The following SBNO2 variants were observed in gnomAD, a reference collection of about 807,000 sequenced individuals.
The protein encoded by SBNO2 is protein strawberry notch homolog 2.
SBNO2 carries 89 observed loss-of-function variants against 146.3 expected under a neutral mutation model. That is an observed-to-expected ratio of 0.61 (90% CI 0.51 to 0.73). The LOEUF (loss-of-function observed/expected upper bound fraction) is 0.73. Among genes scored for constraint, SBNO2 ranks in the 30% least tolerant of loss-of-function variants. The probability of loss-of-function intolerance (pLI) is 0.00; values close to 1 mark genes in which losing one functional copy is unlikely to be tolerated. For synonymous variants in SBNO2, 1,147 were observed against 892.6 expected (o/e 1.29, Z -5.08); for missense variants, 2,092 against 2,003.7 (o/e 1.04, Z -0.84).
At chr19:1,152,765 G>T (rs1326277657) in intron 2 of SBNO2, among the ~76,000 whole-genome samples, 1 of 152,164 alleles carries the variant, frequency 6.6e-6, no homozygotes, top group Non-Finnish European at 1.5e-5. Flanking sequence ...AGGCCAACCT[G>T]GGTGTTGGGC....
Position 1,147,352 on chromosome 19 carries a change from G to A in SBNO2, c.236C>T (p.Ala79Val), listed in dbSNP as rs550895916. ...PCPDTSYAPV[A>V]TASSLPPKTC... ...CTTTGGTGGCAAGCTGGAGGCGGTG[G>A]CCACGGGGGCATAGCTGGTGTCTGG... The change falls in exon 4 of 32, where the codon GCC becomes GTC. Residue 79 changes from alanine to valine, a missense_variant. Transcript: ENST00000361757. 78 of 1,560,416 alleles carry A rather than the reference G, an allele frequency of 5.0e-5. 2 individuals carry two copies. The South Asian group carries it at 6.8e-4, about 14-fold the overall frequency.
At chr19:1,155,617 C>T (rs1395667431) in intron 1 of SBNO2, among the ~76,000 whole-genome samples, 2 of 152,224 alleles carry the variant, frequency 1.3e-5, no homozygotes, top group Non-Finnish European at 2.9e-5. Flanking sequence ...CAGGCAGGAT[C>T]AAAGCCTGGC....
chr19:1,123,170 A>G (rs112335319), intron 7 of SBNO2, 125 bp from the exon 8 acceptor site: 31,985 of 1,124,720 alleles, frequency 0.028, 608 homozygotes, highest in Non-Finnish European at 0.033. Context: ...GGGCGTGGCC[A>G]GGTCCCGTTG....
In SBNO2 at chr19:1,108,058, G is replaced by A; in HGVS notation, c.*162C>T. On this transcript the variant is annotated 3_prime_UTR_variant, in exon 32 of 32. Coordinates refer to ENST00000361757, the MANE Select transcript of SBNO2 (RefSeq NM_014963.3). ...CAGCTGTCCTGAGTGGGCCCCGCCA[G>A]GGCTGACCAGGTGGGGGCCCGGGTC... 4.0e-6 allele frequency: 3 copies of A among 747,646 alleles called. No individual in the cohort carries two copies. Among genetic ancestry groups the A allele is most frequent in the East Asian group, 4.3e-5 (1 of 23,420 alleles). The allele number at this position is 747,646 out of a possible 1,614,324, so 46.3% of individuals were successfully genotyped here. A position where few individuals can be genotyped will look rare whatever the true frequency, so the allele number is the denominator to read the frequency against.
At position 1,174,235 on chromosome 19, in the gene SBNO2, C is replaced by A. The variant is rs1036393651; in HGVS notation, c.-190G>T. The A allele has an allele frequency of 6.6e-6, 1 of 151,856 alleles. No individual in the cohort carries two copies. The highest frequency in any genetic ancestry group is 2.4e-5 in the African/African-American group (1 of 41,388). The allele number at this position is 151,856 out of a possible 1,614,324, so 9.4% of individuals were successfully genotyped here. On this transcript the variant is annotated 5_prime_UTR_variant, in exon 1 of 32. Transcript: ENST00000361757. ...CCTGTTTCTCCGAGCCTCGCAGCTGCCGCCGCTCACTTCCGGGTTTCGGGC... is the reference window on the plus strand; with the variant it reads ...CCTGTTTCTCCGAGCCTCGCAGCTGACGCCGCTCACTTCCGGGTTTCGGGC...
In SBNO2 at chr19:1,120,014, C is replaced by T. The variant is rs1203830541; in HGVS notation, c.1159G>A (p.Asp387Asn). The T allele has an allele frequency of 6.4e-7, 1 of 1,551,112 alleles. No individual in the cohort carries two copies. Among genetic ancestry groups the T allele is most frequent in the Non-Finnish European group, 8.7e-7 (1 of 1,147,056 alleles). Residue 387 changes from aspartate to asparagine, a missense_variant, in exon 12 of 32, where the codon GAC becomes AAC. Transcript: ENST00000361757. ...GCATTCTTGGCTTTGTGACACTCGT[C>T]GAACACGATCTGAGGCACACGTGGG... ...GEAFEGVIVF[D>N]ECHKAKNAGS... is the part of the protein sequence containing the mutation.
At position 1,108,988 on chromosome 19, in the gene SBNO2, G is replaced by C. The variant is rs1160004820; in HGVS notation, c.3426-19C>G. On this transcript the variant is annotated intron_variant, in intron 30 of 31. Transcript: ENST00000361757. ...CCGGTTCCTGCGGACGAGACGGGTC[G>C]TCTCGGCTCAGGCGGGTCCCAGGGG... 2 of 1,502,184 alleles carry C rather than the reference G, an allele frequency of 1.3e-6. No homozygotes were observed. The highest frequency in any genetic ancestry group is 1.3e-5 in the South Asian group (1 of 78,908). The allele number at this position is 1,502,184 out of a possible 1,614,324, so 93.1% of individuals were successfully genotyped here.
chr19:1,174,268 T>TG (rs1410012134), upstream of SBNO2: 5 of 150,128 alleles, frequency 3.3e-5, no homozygotes, highest in Non-Finnish European at 7.4e-5. Context: ...GGCGCCATCT[T>TG]GGGGGCCCCG....
rs2302108 is a variant in SBNO2 at position 1,110,536 on chromosome 19, G to A, written c.3028+209C>T. 9.1e-4 allele frequency among the ~76,000 whole-genome samples: 135 copies of A among 148,426 alleles called. 1 individual carries two copies. In the East Asian group the frequency reaches 0.025, roughly 27 times the overall value. On this transcript the variant is annotated intron_variant, in intron 26 of 31. Coordinates refer to ENST00000361757, the MANE Select transcript of SBNO2 (RefSeq NM_014963.3). The surrounding 1 kb of genome is among the most constrained non-coding windows in gnomAD (Gnocchi z 4.9). The stretch of plus-strand genomic sequence containing the variant: ...CTCGCCGTGCTCACCCACAATGCAC[G>A]GTGTTCCCACGAGCCCCGAGCCCAC...
chr19:1,118,650 C>A (rs1360627654), intron 14 of SBNO2, among the ~76,000 whole-genome samples: 1 of 152,234 alleles, frequency 6.6e-6, no homozygotes, highest in Non-Finnish European at 1.5e-5. Flanking sequence ...GGGCAGATCA[C>A]TTGCGGTCAG....
intron 4 of SBNO2, among the ~76,000 whole-genome samples, chr19:1,129,240 C>A (rs2080001306): frequency 1.3e-5 from 2 of 152,138 alleles, no homozygotes; most frequent in Admixed American, 6.5e-5. Context: ...GCACTCCAGT[C>A]TGGGTGACAC....
Position 1,112,748 on chromosome 19 carries a change from C to T in SBNO2, c.2379+70G>A. ...CAGAAGTGCGCGGGTCCACAGTCCC[C>T]GGGGACCCTTGGGCCCCTCTGTGCC... On this transcript the variant is annotated intron_variant, in intron 20 of 31. Transcript: ENST00000361757. This position sits in a 1 kb window ranked among gnomAD's most constrained non-coding sequence, Gnocchi z 5.9. 4.7e-6 allele frequency: 7 copies of T among 1,493,592 alleles called. No homozygotes were observed. Among genetic ancestry groups the T allele is most frequent in the South Asian group, 1.3e-5 (1 of 78,984 alleles). The allele number at this position is 1,493,592 out of a possible 1,614,324, so 92.5% of individuals were successfully genotyped here.
At chr19:1,164,527 G>C (rs2080385482) in intron 1 of SBNO2, among the ~76,000 whole-genome samples, 1 of 66,632 alleles carries the variant, frequency 1.5e-5, no homozygotes, top group African/African-American at 4.1e-5. Flanking sequence ...GGAGGAACAG[G>C]AGGAGGAGGA....
rs765379529 is a variant in SBNO2, at chr19:1,116,084, T to C, written c.1822A>G (p.Ile608Val). The change falls in exon 17 of 32, where the codon ATT (isoleucine) becomes GTT (valine). Residue 608 changes from isoleucine (I) to valine (V), a missense_variant. Physicochemically the swap from Ile to Val is conservative, Grantham distance 29 (BLOSUM62 3). Coordinates refer to ENST00000361757, the MANE Select transcript of SBNO2 (RefSeq NM_014963.3). Reference sequence around the variant, plus strand: ...TTGGTGGACGGAAAGTGCTTCTGAATTAGCGACAGGAACACGCCTCTGAAA... The same window carrying C: ...TTGGTGGACGGAAAGTGCTTCTGAACTAGCGACAGGAACACGCCTCTGAAA... ...SAAEGVFLSL[I>V]QKHFPSTKRK... is the part of the protein sequence containing the mutation. 6.2e-7 allele frequency: 1 copy of C among 1,610,794 alleles called. No individual in the cohort carries two copies. Among genetic ancestry groups the C allele is most frequent in the African/African-American group, 1.3e-5 (1 of 74,722 alleles).
intron 11 of SBNO2, 137 bp from the exon 12 acceptor site, chr19:1,120,160 A>T: frequency 7.9e-6 from 5 of 635,650 alleles, no homozygotes; most frequent in Non-Finnish European, 1.3e-5. Flanking sequence ...AGGGAAGCCC[A>T]GGTCGGAGTG....
chr19:1,114,555 G>C (rs1015936845), intron 17 of SBNO2, 133 bp from the exon 18 acceptor site: 1 of 710,590 alleles, frequency 1.4e-6, no homozygotes, highest in Non-Finnish European at 2.2e-6. Context: ...CCTGCCTCTG[G>C]GCAAGCAGCT....
Position 1,149,370 on chromosome 19 carries a change from G to T in SBNO2, c.166C>A (p.Arg56Ser). 6.4e-7 allele frequency: 1 copy of T among 1,551,592 alleles called. No homozygotes were observed. Among genetic ancestry groups the T allele is most frequent in the Non-Finnish European group, 8.7e-7 (1 of 1,147,640 alleles). ...GGCGGGGAGGGTCCCGGTACTCACCGGCTGTCGCTGGAGAAGGCAGGGTAT... is the reference window on the plus strand; with the variant it reads ...GGCGGGGAGGGTCCCGGTACTCACCTGCTGTCGCTGGAGAAGGCAGGGTAT... ...PPYPAFSSDS[R>S]PFMSSASFLG... Residue 56 changes from arginine to serine, a missense_variant and splice_region_variant, in exon 3 of 32, where the codon CGC (arginine) becomes AGC (serine). Coordinates refer to ENST00000361757, the MANE Select transcript of SBNO2 (RefSeq NM_014963.3).
In SBNO2 at chr19:1,119,095, G is replaced by A; in HGVS notation, c.1443C>T (p.Leu481=). The change falls in exon 14 of 32, where the codon CTC becomes CTT. Residue 481 remains leucine (L), a synonymous_variant. Coordinates refer to ENST00000361757, the MANE Select transcript of SBNO2 (RefSeq NM_014963.3). ...KVSGMYIARQ[L]SFSGVTFRIE... is the part of the protein sequence containing the mutation. ...TGCGGAAGGTGACGCCGGAGAAGCT[G>A]AGCTGGCGTGCGATGTACATGCCGC... The A allele has an allele frequency of 1.9e-6, 3 of 1,605,468 alleles. No individual in the cohort carries two copies. Among genetic ancestry groups the A allele is most frequent in the Non-Finnish European group, 2.5e-6 (3 of 1,177,034 alleles).
Position 1,114,421 on chromosome 19 carries a change from C to A in SBNO2, c.1887G>T (p.Arg629=). The change falls in exon 18 of 32, where the codon CGG becomes CGT. Residue 629 remains arginine (R), a splice_region_variant and synonymous_variant. Coordinates refer to ENST00000361757, the MANE Select transcript of SBNO2 (RefSeq NM_014963.3). ...CTTTGGCCCCGCGTCCCCGAGGTCG[C>A]CCTGCAGGGAAGGACAGGGTCACCG... The part of the protein sequence containing the change: ...RDRGAGSKRK[R]RPRGRGAKAP... The A allele has an allele frequency of 6.6e-7, 1 of 1,524,710 alleles. No homozygotes were observed. Among genetic ancestry groups the A allele is most frequent in the South Asian group, 1.2e-5 (1 of 80,422 alleles). The allele number at this position is 1,524,710 out of a possible 1,614,324, so 94.4% of individuals were successfully genotyped here. A position where few individuals can be genotyped will look rare whatever the true frequency, so the allele number is the denominator to read the frequency against.
Sources: allele counts gnomAD v4.1 joint callset (sites outside exome capture counted in the v4.1 genomes callset), GRCh38; gene constraint gnomAD v4.1.1; non-coding constraint Gnocchi (gnomAD v3.1); transcripts MANE v1.5; gene names NCBI Gene and HGNC (gene_info 2026-07-23, HGNC 2026-07-21).